The following SAXO1 variants were observed in gnomAD, a reference collection of about 807,000 sequenced individuals.
SAXO1 encodes 4930500O09Rik.
Under a neutral mutation model 17.5 loss-of-function variants are expected in SAXO1, and 21 were observed. The ratio of observed to expected loss-of-function variants is 1.20; its 90% CI spans 0.85 to 1.72. SAXO1 has a LOEUF of 1.72. Ranked by LOEUF, SAXO1 falls within the 40% of genes most tolerant of loss-of-function variation. The probability of loss-of-function intolerance (pLI) is 0.00; values close to 1 mark genes in which losing one functional copy is unlikely to be tolerated. For synonymous variants in SAXO1, 274 were observed against 216.5 expected, an observed-to-expected ratio of 1.27 and a Z score of -2.33; for missense variants, 843 against 596.0, an observed-to-expected ratio of 1.41 and a Z score of -4.32.
intron 1 of SAXO1, chr9:19,026,974 G>C (rs928018765): frequency 3.3e-6 from 3 of 907,926 alleles, no homozygotes; most frequent in Admixed American, 3.5e-5. Context: ...ATCATCCAGC[G>C]CACATGGCTT....
upstream of SAXO1, among the ~76,000 whole-genome samples, chr9:19,033,974 G>A (rs1835868901): frequency 6.6e-6 from 1 of 152,154 alleles, no homozygotes; most frequent in African/African-American, 2.4e-5. Context: ...GATCCCGAGA[G>A]CACACCCCCA....
At position 18,933,421 on chromosome 9, in the gene SAXO1, C is replaced by A. The variant is rs12002874; in HGVS notation, c.422-4366G>T. Among the ~76,000 whole-genome samples the A allele has an allele frequency of 5.4e-4, 82 of 152,132 alleles. 1 individual carries two copies. The highest frequency in any genetic ancestry group is 1.7e-3 in the African/African-American group (71 of 41,512). ...TAAATGAATTAAAAGAAAAAAATAT[C>A]TTTTTAATGATTTAAGAAGAAAACA... On this transcript the variant is annotated intron_variant, in intron 3 of 3. Coordinates refer to ENST00000380534, the MANE Select transcript of SAXO1 (RefSeq NM_153707.4).
Position 19,008,497 on chromosome 9 carries a change from G to C in SAXO1, c.38+24374C>G, listed in dbSNP as rs1834581875. ...TCTGGAAGGAGCAGAAAGCTATTTT[G>C]AAGCCCATGGTAAGAAATTGAGGGT... On this transcript the variant is annotated intron_variant, in intron 1 of 3. Transcript: ENST00000380534. Among the ~76,000 whole-genome samples, 3 of 152,100 alleles carry C rather than the reference G, an allele frequency of 2.0e-5. No individual in the cohort carries two copies. The South Asian group carries it at 6.2e-4, about 31-fold the overall frequency.
In SAXO1 at chr9:19,005,940, C is replaced by CA. The variant is rs774837310; in HGVS notation, c.38+26930dup. Among the ~76,000 whole-genome samples, 12 of 151,758 alleles carry CA rather than the reference C, an allele frequency of 7.9e-5. No individual in the cohort carries two copies. In the East Asian group the frequency reaches 9.7e-4, roughly 12 times the overall value. On this transcript the variant is annotated intron_variant, in intron 1 of 3. Transcript: ENST00000380534. Reference sequence around the variant, plus strand: ...AAAATCAATTTTAAAATGGCAAAAACAAAAAAAACAAACAAACAACCCACC... The same window carrying CA: ...AAAATCAATTTTAAAATGGCAAAAACAAAAAAAAACAAACAAACAACCCACC...
chr9:19,044,561 C>G (rs1250703166), intron 1 of SAXO1, among the ~76,000 whole-genome samples: 1 of 152,168 alleles, frequency 6.6e-6, no homozygotes, highest in Non-Finnish European at 1.5e-5. Context: ...AGTGACTTAG[C>G]TGACTCAAGA....
At chr9:19,014,392 G>A (rs541787202) in intron 1 of SAXO1, among the ~76,000 whole-genome samples, 2 of 144,076 alleles carry the variant, frequency 1.4e-5, no homozygotes, top group South Asian at 2.2e-4. Context: ...AACCTGGGGG[G>A]CAAGGTTGCA....
chr9:19,006,541 C>T (rs1202353356), intron 1 of SAXO1, among the ~76,000 whole-genome samples: 1 of 152,294 alleles, frequency 6.6e-6, no homozygotes, highest in Admixed American at 6.5e-5. Context: ...TGTATGTCTC[C>T]ACTTACGAGG....
chr9:18,937,760 C>CCCT (rs901076577), intron 3 of SAXO1, among the ~76,000 whole-genome samples: 1 of 152,168 alleles, frequency 6.6e-6, no homozygotes, highest in Admixed American at 6.5e-5. Context: ...AGAGAGCAGA[C>CCCT]CCTCACTGGA....
rs764246710 is a variant in SAXO1 at position 18,927,905 on chromosome 9, C to T, written c.*147G>A. ...CATTTTCCCTGAGTCAAGTGATTCT[C>T]ATTTTATTCAAGTGCTCTGGAAGTG... On this transcript the variant is annotated 3_prime_UTR_variant, in exon 4 of 4. Transcript: ENST00000380534. 6 of 824,364 alleles carry T rather than the reference C, an allele frequency of 7.3e-6. No homozygotes were observed. In the African/African-American group the frequency reaches 8.5e-5, roughly 12 times the overall value. The allele number at this position is 824,364 out of a possible 1,614,324, so 51.1% of individuals were successfully genotyped here.
chr9:18,932,711 C>A (rs1291949623), intron 3 of SAXO1, among the ~76,000 whole-genome samples: 1 of 152,174 alleles, frequency 6.6e-6, no homozygotes, highest in African/African-American at 2.4e-5. Flanking sequence ...TTTCTCCCAG[C>A]AATCGTTGGT....
At position 18,950,912 on chromosome 9, in the gene SAXO1, T is replaced by C; in HGVS notation, c.64A>G (p.Thr22Ala). 6.2e-7 allele frequency: 1 copy of C among 1,612,954 alleles called. No homozygotes were observed. The highest frequency in any genetic ancestry group is 8.5e-7 in the Non-Finnish European group (1 of 1,179,676). Residue 22 changes from threonine to alanine, a missense_variant, in exon 2 of 4, where the codon ACC becomes GCC. Thr to Ala is a moderately conservative substitution (Grantham distance 58, BLOSUM62 0). Transcript: ENST00000380534. ...CGRHHCPHLPTKIYDKTEKPC... is the reference protein window; with the variant it reads ...CGRHHCPHLPAKIYDKTEKPC... ...TTCTCTGTTTTATCATAAATCTTGG[T>C]AGGGAGATGTGGACAGTGATGCCGC...
chr9:18,942,180 T>A (rs1831590218), intron 2 of SAXO1, among the ~76,000 whole-genome samples: 1 of 152,200 alleles, frequency 6.6e-6, no homozygotes, highest in Non-Finnish European at 1.5e-5. Flanking sequence ...AGCTTCCTCC[T>A]TCATTCCTAC....
chr9:19,045,303 C>T (rs7034297), intron 1 of SAXO1, among the ~76,000 whole-genome samples: 46,023 of 122,232 alleles, frequency 0.38, 9,011 homozygotes, highest in African/African-American at 0.56. Flanking sequence ...GGCGACAGAG[C>T]GAGACTCCGT....
At chr9:18,974,384 TTGTG>T (rs1234771790) in intron 1 of SAXO1, among the ~76,000 whole-genome samples, 1 of 152,240 alleles carries the variant, frequency 6.6e-6, no homozygotes, top group African/African-American at 2.4e-5. Context: ...GATATGTACA[TTGTG>T]TGTGTATCTA....
chr9:18,996,289 A>C (rs765522914), intron 1 of SAXO1, among the ~76,000 whole-genome samples: 13 of 152,174 alleles, frequency 8.5e-5, no homozygotes, highest in Non-Finnish European at 1.8e-4. Context: ...GCCATCCACC[A>C]CTTAATGACA....
chr9:18,983,945 T>C (rs1307296963), intron 1 of SAXO1, among the ~76,000 whole-genome samples: 1 of 152,202 alleles, frequency 6.6e-6, no homozygotes, highest in African/African-American at 2.4e-5. Context: ...TTACAAAATA[T>C]ATTTCTTAAA....
chr9:19,008,566 G>C (rs1292633156), intron 1 of SAXO1, among the ~76,000 whole-genome samples: 1 of 152,124 alleles, frequency 6.6e-6, no homozygotes, highest in Admixed American at 6.5e-5. Flanking sequence ...AGAGTTGAGT[G>C]ATTGAGGCAG....
intron 1 of SAXO1, among the ~76,000 whole-genome samples, chr9:19,020,765 G>A (rs958174802): frequency 6.6e-6 from 1 of 152,120 alleles, no homozygotes; most frequent in African/African-American, 2.4e-5. Flanking sequence ...CTTCATCCAA[G>A]TTTTGATTAA....
chr9:19,033,292 A>G (rs570858758), upstream of SAXO1: 5 of 214,112 alleles, frequency 2.3e-5, no homozygotes, highest in South Asian at 5.5e-4. Flanking sequence ...TCAGGTGGCA[A>G]TTACATCACA....
Sources: gnomAD v4.1 joint callset for allele counts (sites outside exome capture counted in the v4.1 genomes callset) on GRCh38, gnomAD v4.1.1 for gene constraint, MANE v1.5 for transcripts, NCBI Gene and HGNC (gene_info 2026-07-23, HGNC 2026-07-21) for gene names.